TBC1D10A: variants seen among roughly 807,000 people sequenced by gnomAD.
TBC1D10A encodes EBP50-PDX interactor of 64 kDa.
TBC1D10A carries 24 observed loss-of-function variants against 52.9 expected under a neutral mutation model. The observed-to-expected ratio is 0.45, with a 90% CI of 0.33 to 0.64. TBC1D10A has a LOEUF of 0.64. TBC1D10A is among the 30% of genes least tolerant of loss of function. The pLI is 0.02. For synonymous variants in TBC1D10A, 278 were observed against 282.9 expected, an observed-to-expected ratio of 0.98 and a Z score of 0.17; for missense variants, 602 against 687.9, an observed-to-expected ratio of 0.88 and a Z score of 1.40.
chr22:30,325,022 T>G lies in TBC1D10A; in HGVS notation c.209+1651A>C, dbSNP rs969003885. Among the ~76,000 whole-genome samples the G allele has an allele frequency of 3.3e-5, 5 of 152,324 alleles. 1 individual carries two copies. In the East Asian group the frequency reaches 9.6e-4, roughly 29 times the overall value. On this transcript the variant is annotated intron_variant, in intron 1 of 8. Transcript: ENST00000215790. ...CAACTGGGAACTCCTTTCCTAGATC[T>G]CAAGACCACACACCTCCCTGGGTCC... is the stretch of plus-strand genomic sequence containing the variant.
chr22:30,303,306 T>TAGAC (rs3067181), intron 2 of TBC1D10A, among the ~76,000 whole-genome samples: 9,447 of 148,970 alleles, frequency 0.063, 315 homozygotes, highest in South Asian at 0.1. Flanking sequence ...GATAGATAGA[T>TAGAC]AGACAGACAG....
At position 30,293,107 on chromosome 22, in the gene TBC1D10A, A is replaced by G. The variant is rs542474307; in HGVS notation, c.1051-256T>C. 5.9e-4 allele frequency: 363 copies of G among 619,704 alleles called. 6 individuals are homozygous for G. The South Asian group carries it at 6.7e-3, about 11-fold the overall frequency. 38.4% of individuals were successfully genotyped at this position (619,704 alleles called of 1,614,324 possible). A position where few individuals can be genotyped will look rare whatever the true frequency, so the allele number is the denominator to read the frequency against. Reference sequence around the variant, plus strand: ...GCTTCACGAGTCCACCTGCCTGACTATGGGGCTAAAGGGGTAAGACCCAGA... The same window carrying G: ...GCTTCACGAGTCCACCTGCCTGACTGTGGGGCTAAAGGGGTAAGACCCAGA... On this transcript the variant is annotated intron_variant, in intron 8 of 8. Transcript: ENST00000215790.
At chr22:30,294,175 C>T in intron 6 of TBC1D10A, 65 bp from the exon 7 acceptor site, 3 of 1,567,522 alleles carry the variant, frequency 1.9e-6, no homozygotes, top group South Asian at 2.3e-5. Context: ...AGAGACTACA[C>T]CCCAGCACCC....
intron 1 of TBC1D10A, among the ~76,000 whole-genome samples, chr22:30,309,408 TAG>T (rs1319246973): frequency 2.6e-5 from 4 of 152,148 alleles, no homozygotes; most frequent in Non-Finnish European, 1.5e-5. Flanking sequence ...GTATTTTTAG[TAG>T]AGACGGGGTT....
rs145605439 is a variant in TBC1D10A, at chr22:30,300,669, G to A, written c.310-1118C>T. Reference sequence around the variant, plus strand: ...TGGCAGGATACCGCCAGCCTAGAGGGGAGAAATCTCAGCAGAACTCTGAAG... The same window carrying A: ...TGGCAGGATACCGCCAGCCTAGAGGAGAGAAATCTCAGCAGAACTCTGAAG... On this transcript the variant is annotated intron_variant, in intron 2 of 8. Transcript: ENST00000215790. 4.6e-5 allele frequency: 7 copies of A among 152,248 alleles called. No individual in the cohort carries two copies. The East Asian group carries it at 1.4e-3, about 29-fold the overall frequency. The allele number at this position is 152,248 out of a possible 1,614,324, so 9.4% of individuals were successfully genotyped here. A position where few individuals can be genotyped will look rare whatever the true frequency, so the allele number is the denominator to read the frequency against.
chr22:30,326,562 T>A (rs1930779629), intron 1 of TBC1D10A, 111 bp downstream of exon 1: 1 of 1,045,858 alleles, frequency 9.6e-7, no homozygotes, highest in Admixed American at 3.1e-5. Flanking sequence ...CGGGGATTAG[T>A]GGTCCCTGCC....
At chr22:30,325,043 G>A (rs1239623846) in intron 1 of TBC1D10A, among the ~76,000 whole-genome samples, 2 of 152,152 alleles carry the variant, frequency 1.3e-5, no homozygotes, top group African/African-American at 2.4e-5. Context: ...CACCTCCCTG[G>A]GTCCTAATCC....
At chr22:30,295,111 C>A in intron 4 of TBC1D10A, 56 bp from the exon 5 acceptor site, 1 of 1,561,076 alleles carries the variant, frequency 6.4e-7, no homozygotes, top group Non-Finnish European at 8.8e-7. Context: ...TACCCACGGC[C>A]TTCACCTATG....
Position 30,293,652 on chromosome 22 carries a change from T to C in TBC1D10A, c.1049A>G (p.Glu350Gly). The C allele has an allele frequency of 6.2e-7, 1 of 1,607,492 alleles. No individual in the cohort carries two copies. Among genetic ancestry groups the C allele is most frequent in the South Asian group, 1.1e-5 (1 of 90,850 alleles). The change falls in exon 8 of 9, where the codon GAG becomes GGG. Residue 350 changes from glutamate to glycine, a missense_variant and splice_region_variant. Glu to Gly is a moderately conservative substitution (Grantham distance 98). Around this residue, in one of 3 missense-constraint regions of TBC1D10A, gnomAD observed 265 missense variants for 275.1 expected, o/e 0.96. Coordinates refer to ENST00000215790, the MANE Select transcript of TBC1D10A (RefSeq NM_031937.3). ...ATAAGGGGCAGGCATGGGCTGTACC[T>C]CCTGGACCAGAAAGGCCTCCTGCAT... Reference protein sequence around the residue: ...KIMQEAFLVQEVVELPVTERQ... With the variant: ...KIMQEAFLVQGVVELPVTERQ...
chr22:30,294,682 C>A (rs1930033684), intron 6 of TBC1D10A, 114 bp downstream of exon 6: 3 of 1,396,190 alleles, frequency 2.1e-6, no homozygotes, highest in Non-Finnish European at 3.0e-6. Flanking sequence ...AGCCTCAAGG[C>A]AACAGAAGGC....
rs1275700794 is a variant in TBC1D10A, at chr22:30,307,211, G to A, written c.210-2581C>T. Among the ~76,000 whole-genome samples, 4 of 152,296 alleles carry A rather than the reference G, an allele frequency of 2.6e-5. No homozygotes were observed. In the East Asian group the frequency reaches 7.7e-4, roughly 29 times the overall value. On this transcript the variant is annotated intron_variant, in intron 1 of 8. Transcript: ENST00000215790. ...GCAGGAACCAATTGCTAGTGAGAGA[G>A]AAGCTGGCCCAGTATAAGGGACCAC...
chr22:30,303,150 G>A (rs1017148083), intron 2 of TBC1D10A, among the ~76,000 whole-genome samples: 3 of 152,180 alleles, frequency 2.0e-5, no homozygotes, highest in East Asian at 3.8e-4. Flanking sequence ...GTGTGGTGAC[G>A]TGCCTGTGGT....
intron 1 of TBC1D10A, among the ~76,000 whole-genome samples, chr22:30,322,889 C>T (rs1429379539): frequency 6.8e-6 from 1 of 146,084 alleles, no homozygotes; most frequent in Non-Finnish European, 1.5e-5. Context: ...GGCACAGCAC[C>T]TAGTCTTTTT....
At chr22:30,294,253 G>T in intron 6 of TBC1D10A, 143 bp from the exon 7 acceptor site, 1 of 917,158 alleles carries the variant, frequency 1.1e-6, no homozygotes, top group Non-Finnish European at 1.6e-6. Context: ...CAGGTGCTAG[G>T]ATACAATGAT....
rs756754119 is a variant in TBC1D10A at position 30,326,903 on chromosome 22, A to C, written c.-22T>G. ...CCATCCCAGCCGCGCCCGCCGCCTG[A>C]GCTCCAGCGGCCACCTCAGCCGCCC... On this transcript the variant is annotated 5_prime_UTR_variant, in exon 1 of 9. Coordinates refer to ENST00000215790, the MANE Select transcript of TBC1D10A (RefSeq NM_031937.3). 1.4e-6 allele frequency: 2 copies of C among 1,455,562 alleles called. No individual in the cohort carries two copies. Among genetic ancestry groups the C allele is most frequent in the South Asian group, 1.3e-5 (1 of 75,674 alleles). The allele number at this position is 1,455,562 out of a possible 1,614,324, so 90.2% of individuals were successfully genotyped here. A position where few individuals can be genotyped will look rare whatever the true frequency, so the allele number is the denominator to read the frequency against.
At chr22:30,322,499 A>G (rs1301842509) in intron 1 of TBC1D10A, among the ~76,000 whole-genome samples, 2 of 151,942 alleles carry the variant, frequency 1.3e-5, no homozygotes, top group Admixed American at 1.3e-4. Flanking sequence ...AGAAATGGAA[A>G]GGCCTAGGAC....
At chr22:30,305,241 G>C (rs1930288022) in intron 1 of TBC1D10A, among the ~76,000 whole-genome samples, 1 of 152,182 alleles carries the variant, frequency 6.6e-6, no homozygotes, top group Non-Finnish European at 1.5e-5. Flanking sequence ...TAGATCTACT[G>C]ACTGGGCAGC....
rs574884694 is a variant in TBC1D10A at position 30,295,800 on chromosome 22, A to G, written c.461T>C (p.Ile154Thr). ...SPGDPKWLDV[I>T]ERDLHRQFPF... ...GAACTGCCGGTGCAGGTCACGCTCAATCACGTCCAGCCACTTGGGGTCCCC... is the reference window on the plus strand; with the variant it reads ...GAACTGCCGGTGCAGGTCACGCTCAGTCACGTCCAGCCACTTGGGGTCCCC... The change falls in exon 4 of 9, where the codon ATT becomes ACT. Residue 154 changes from isoleucine (I) to threonine (T), a missense_variant. Physicochemically the swap from Ile to Thr is moderately conservative, Grantham distance 89. Coordinates refer to ENST00000215790, the MANE Select transcript of TBC1D10A (RefSeq NM_031937.3). 2 of 1,614,068 alleles carry G rather than the reference A, an allele frequency of 1.2e-6. No homozygotes were observed. The highest frequency in any genetic ancestry group is 1.3e-5 in the African/African-American group (1 of 75,070).
intron 1 of TBC1D10A, among the ~76,000 whole-genome samples, chr22:30,317,466 C>T (rs1345152518): frequency 6.6e-6 from 1 of 152,186 alleles, no homozygotes; most frequent in Non-Finnish European, 1.5e-5. Flanking sequence ...CTCAAGGTCA[C>T]ACAGCTAGTT....
Sources: gnomAD v4.1 joint callset for allele counts (sites outside exome capture counted in the v4.1 genomes callset) on GRCh38, gnomAD v4.1.1 for gene constraint, gnomAD v4.1.1 regional missense constraint, MANE v1.5 for transcripts, NCBI Gene and HGNC (gene_info 2026-07-23, HGNC 2026-07-21) for gene names.